Variants in NRXN3 observed in about 807,000 individuals in gnomAD.
NRXN3 encodes the protein neurexin 3.
A neutral mutation model predicts 137.6 loss-of-function variants in NRXN3; 32 were observed. That is an observed-to-expected ratio of 0.23 (90% CI 0.18 to 0.31). The LOEUF is 0.31. Among genes scored for constraint, NRXN3 ranks in the 10% least tolerant of loss-of-function variants. NRXN3 has a pLI of 1.00. For missense variants in NRXN3, 1,574 were observed against 2,062.5 expected (o/e 0.76, Z 4.59); for synonymous variants, 798 against 784.5 (o/e 1.02, Z -0.29).
chr14:78,582,844 T>C (rs1049404598), intron 4 of NRXN3, among the ~76,000 whole-genome samples: 14 of 152,188 alleles, frequency 9.2e-5, no homozygotes, highest in African/African-American at 2.7e-4. Flanking sequence ...ATAAATACAA[T>C]GCAAAGAAGG....
chr14:78,419,841 T>C (rs1331998631), intron 4 of NRXN3, among the ~76,000 whole-genome samples: 1 of 152,168 alleles, frequency 6.6e-6, no homozygotes, highest in South Asian at 2.1e-4. Context: ...AGACTTCGTA[T>C]TGATGATCAT....
intron 20 of NRXN3, among the ~76,000 whole-genome samples, chr14:79,815,295 C>T (rs954725045): frequency 2.0e-5 from 3 of 152,078 alleles, no homozygotes; most frequent in Non-Finnish European, 4.4e-5. Flanking sequence ...ACGAGAATAT[C>T]AAATAGGTAT....
At chr14:79,265,722 AG>A (rs2078362822) in intron 15 of NRXN3, among the ~76,000 whole-genome samples, 1 of 152,112 alleles carries the variant, frequency 6.6e-6, no homozygotes, top group Non-Finnish European at 1.5e-5. Context: ...TACATCTATC[AG>A]GCACAATGAC....
At chr14:79,533,714 C>G (rs2097188685) in intron 16 of NRXN3, among the ~76,000 whole-genome samples, 1 of 152,018 alleles carries the variant, frequency 6.6e-6, no homozygotes, top group Non-Finnish European at 1.5e-5. Flanking sequence ...CTTCCTTGCC[C>G]CACAAATCAC....
At chr14:78,901,847 C>G (rs989666081) in intron 10 of NRXN3, among the ~76,000 whole-genome samples, 1 of 152,060 alleles carries the variant, frequency 6.6e-6, no homozygotes, top group African/African-American at 2.4e-5. Context: ...TTTTAAAAGT[C>G]TGAGCAAGAA....
At position 78,225,986 on chromosome 14, in the gene NRXN3, TG is replaced by T. The variant is rs1567013887; in HGVS notation, c.-703-16404del. ...GTGTGTGTGTGTTGGTGTGTGTGTGTGTGTGTGTGTGTGTGTGTGTGTGTGT... is the reference window on the plus strand; with the variant it reads ...GTGTGTGTGTGTTGGTGTGTGTGTGTTGTGTGTGTGTGTGTGTGTGTGTGT... On this transcript the variant is annotated intron_variant, in intron 1 of 20. Coordinates refer to ENST00000335750, the MANE Select transcript of NRXN3 (RefSeq NM_001330195.2). Among the ~76,000 whole-genome samples the T allele has an allele frequency of 4.5e-3, 551 of 121,266 alleles. 4 individuals are homozygous for T. Among genetic ancestry groups the T allele is most frequent in the African/African-American group, 0.014 (502 of 36,318 alleles). The allele number at this position is 121,266 out of a possible 152,430, so 79.6% of individuals were successfully genotyped here.
At chr14:79,033,628 C>G (rs898760621) in intron 15 of NRXN3, among the ~76,000 whole-genome samples, 1 of 152,066 alleles carries the variant, frequency 6.6e-6, no homozygotes, top group Admixed American at 6.6e-5. Flanking sequence ...CAGGTACAAC[C>G]TAGAGTTTTC....
At chr14:78,667,885 G>T (rs2097901548) in intron 6 of NRXN3, among the ~76,000 whole-genome samples, 2 of 152,068 alleles carry the variant, frequency 1.3e-5, no homozygotes, top group Admixed American at 6.5e-5. Context: ...CCAGGTTCAG[G>T]TGATTCTCCT....
chr14:79,762,116 T>G (rs1278037854), intron 19 of NRXN3, among the ~76,000 whole-genome samples: 1 of 151,540 alleles, frequency 6.6e-6, no homozygotes, highest in Non-Finnish European at 1.5e-5. Context: ...CTTTATGGAG[T>G]TCTGTATCTC....
At chr14:79,304,158 G>T (rs955495233) in intron 15 of NRXN3, among the ~76,000 whole-genome samples, 2 of 152,060 alleles carry the variant, frequency 1.3e-5, no homozygotes, top group Non-Finnish European at 2.9e-5. Context: ...GGTGGTGTGG[G>T]ATGAAAATGC....
chr14:78,958,132 G>C (rs11159390), intron 11 of NRXN3, among the ~76,000 whole-genome samples: 16,613 of 151,986 alleles, frequency 0.11, 1,812 homozygotes, highest in East Asian at 0.43. Context: ...TCTGGTATTT[G>C]AAAACAGGAC....
At chr14:79,750,362 G>A (rs895865356) in intron 19 of NRXN3, among the ~76,000 whole-genome samples, 2 of 152,076 alleles carry the variant, frequency 1.3e-5, no homozygotes, top group Non-Finnish European at 2.9e-5. Context: ...AAGTAATTAT[G>A]TGCTCAACTA....
chr14:79,645,812 C>T (rs753301676), intron 16 of NRXN3, among the ~76,000 whole-genome samples: 1 of 134,900 alleles, frequency 7.4e-6, no homozygotes, highest in Non-Finnish European at 1.7e-5. Context: ...ACCTGGGATA[C>T]CAGGCTGAAG....
At chr14:79,257,000 T>A (rs2076668096) in intron 15 of NRXN3, among the ~76,000 whole-genome samples, 2 of 152,130 alleles carry the variant, frequency 1.3e-5, no homozygotes, top group Admixed American at 6.5e-5. Flanking sequence ...AAACAAGAGA[T>A]TTTGGCTGCT....
At chr14:79,471,177 G>A (rs1362439090) in intron 16 of NRXN3, among the ~76,000 whole-genome samples, 1 of 152,110 alleles carries the variant, frequency 6.6e-6, no homozygotes, top group Non-Finnish European at 1.5e-5. Context: ...ACACTAGAGA[G>A]CCTGACCCTG....
chr14:79,357,211 C>T (rs2093455672), intron 15 of NRXN3, among the ~76,000 whole-genome samples: 1 of 152,048 alleles, frequency 6.6e-6, no homozygotes, highest in South Asian at 2.1e-4. Flanking sequence ...CAACAGAAAA[C>T]CATGTGATCT....
intron 11 of NRXN3, among the ~76,000 whole-genome samples, chr14:78,960,849 T>G (rs1398551151): frequency 1.3e-5 from 2 of 152,178 alleles, no homozygotes; most frequent in Non-Finnish European, 2.9e-5. Context: ...ATTTTCCATT[T>G]AAAATGTATT....
intron 15 of NRXN3, among the ~76,000 whole-genome samples, chr14:79,171,427 C>T (rs921897943): frequency 6.6e-6 from 1 of 152,092 alleles, no homozygotes; most frequent in East Asian, 1.9e-4. Context: ...GTTTCTTCCC[C>T]ACCTGTCATG....
intron 15 of NRXN3, among the ~76,000 whole-genome samples, chr14:79,251,890 C>T (rs374543316): frequency 1.2e-4 from 18 of 151,636 alleles, no homozygotes; most frequent in African/African-American, 4.4e-4. Context: ...ATGATCATGG[C>T]TCACTGCAGC....
Sources: gnomAD v4.1 joint callset for allele counts (sites outside exome capture counted in the v4.1 genomes callset) on GRCh38, gnomAD v4.1.1 for gene constraint, MANE v1.5 for transcripts, NCBI Gene and HGNC (gene_info 2026-07-23, HGNC 2026-07-21) for gene names.